CUX2: variants seen among roughly 807,000 people sequenced by gnomAD.
CUX2 encodes the protein cut like homeobox 2, also known as homeobox protein cut-like 2.
A neutral mutation model predicts 144.8 loss-of-function variants in CUX2; 40 were observed. That is an observed-to-expected ratio of 0.28 (90% CI 0.21 to 0.36). The LOEUF is 0.36. Among genes scored for constraint, CUX2 ranks in the 10% least tolerant of loss-of-function variants. CUX2 has a pLI of 1.00. For synonymous variants in CUX2, 827 were observed against 875.6 expected, an observed-to-expected ratio of 0.94 and a Z score of 0.98; for missense variants, 1,615 against 1,994.0, an observed-to-expected ratio of 0.81 and a Z score of 3.62.
At chr12:111,330,730 T>TATACATATAC (rs1592977346) in intron 18 of CUX2, among the ~76,000 whole-genome samples, 2 of 51,570 alleles carry the variant, frequency 3.9e-5, no homozygotes, top group East Asian at 6.7e-4. Flanking sequence ...TATATATATA[T>TATACATATAC]ATATATATAT....
At chr12:111,296,379 G>A in intron 7 of CUX2, 94 bp from the exon 8 acceptor site, 2 of 1,099,316 alleles carry the variant, frequency 1.8e-6, no homozygotes, top group Non-Finnish European at 2.7e-6. Context: ...TCTGCCTGCT[G>A]GGCTTCGCAG....
At chr12:111,102,131 C>G (rs1873288238) in intron 1 of CUX2, among the ~76,000 whole-genome samples, 1 of 152,156 alleles carries the variant, frequency 6.6e-6, no homozygotes, top group South Asian at 2.1e-4. Context: ...TGCTGTGTGC[C>G]AGGCATCTGG....
intron 16 of CUX2, among the ~76,000 whole-genome samples, chr12:111,317,504 C>T (rs546093801): frequency 2.0e-5 from 3 of 152,100 alleles, no homozygotes; most frequent in African/African-American, 7.2e-5. Flanking sequence ...GAACATATTG[C>T]CCAACCCAAG....
chr12:111,092,456 A>G (rs1872606102), intron 1 of CUX2, among the ~76,000 whole-genome samples: 1 of 152,192 alleles, frequency 6.6e-6, no homozygotes, highest in East Asian at 1.9e-4. Flanking sequence ...GCATAATAAT[A>G]GTACCTTCCC....
Position 111,097,519 on chromosome 12 carries a change from C to T in CUX2, c.63+63279C>T, listed in dbSNP as rs577510792. 3.9e-5 allele frequency among the ~76,000 whole-genome samples: 6 copies of T among 152,278 alleles called. No individual in the cohort carries two copies. In the South Asian group the frequency reaches 1.2e-3, roughly 32 times the overall value. On this transcript the variant is annotated intron_variant, in intron 1 of 21. Transcript: ENST00000261726. ...GCAAGGCACCAGCAGCAGAGGGAGC[C>T]TAAAATGATATTAATCACAGCAGCA... is the stretch of plus-strand genomic sequence containing the variant.
rs774135980 is a variant in CUX2, at chr12:111,318,228, AT to A, written c.2003-1775del. Among the ~76,000 whole-genome samples the A allele has an allele frequency of 1.4e-4, 17 of 120,224 alleles. No homozygotes were observed. In the South Asian group the frequency reaches 4.1e-3, roughly 29 times the overall value. 78.9% of individuals were successfully genotyped at this position (120,224 alleles called of 152,430 possible). On this transcript the variant is annotated intron_variant, in intron 16 of 21. Transcript: ENST00000261726. ...AGGCATACACCACCATGCCTGGCTA[AT>A]TTTTTTTTCTTTTTTCTTTTTTTTT...
chr12:111,226,647 T>C (rs2136239080), intron 3 of CUX2, among the ~76,000 whole-genome samples: 1 of 152,330 alleles, frequency 6.6e-6, no homozygotes, highest in South Asian at 2.1e-4. Context: ...CATATTTATA[T>C]GACATTCCCT....
At chr12:111,156,742 C>T (rs1877397969) in intron 1 of CUX2, among the ~76,000 whole-genome samples, 1 of 152,144 alleles carries the variant, frequency 6.6e-6, no homozygotes, top group African/African-American at 2.4e-5. Context: ...CTTTGGGAGG[C>T]TGAGGCAGGT....
intron 3 of CUX2, among the ~76,000 whole-genome samples, chr12:111,224,719 C>CA (rs1882040326): frequency 6.6e-6 from 1 of 151,762 alleles, no homozygotes; most frequent in South Asian, 2.1e-4. Context: ...GGGCAGGGAG[C>CA]AGGGGAGGCC....
At chr12:111,062,135 G>A (rs995575354) in intron 1 of CUX2, among the ~76,000 whole-genome samples, 3 of 152,138 alleles carry the variant, frequency 2.0e-5, no homozygotes, top group Non-Finnish European at 4.4e-5. Flanking sequence ...GTGTATACTG[G>A]GTGCTCACTT....
rs538691418 is a variant in CUX2 at position 111,088,008 on chromosome 12, A to C, written c.63+53768A>C. 5.3e-5 allele frequency among the ~76,000 whole-genome samples: 8 copies of C among 152,352 alleles called. No homozygotes were observed. The South Asian group carries it at 1.7e-3, about 32-fold the overall frequency. On this transcript the variant is annotated intron_variant, in intron 1 of 21. Coordinates refer to ENST00000261726, the MANE Select transcript of CUX2 (RefSeq NM_015267.4). ...ATTGATAAGCTAATGATGTGGATAC[A>C]GCTTGAAGGAATCGTGCTGAGGGAA...
At chr12:111,162,838 G>A (rs1236035473) in intron 1 of CUX2, among the ~76,000 whole-genome samples, 2 of 152,142 alleles carry the variant, frequency 1.3e-5, no homozygotes, top group Non-Finnish European at 2.9e-5. Flanking sequence ...CTGAGGTCAG[G>A]AGTTCGATAC....
intron 1 of CUX2, among the ~76,000 whole-genome samples, chr12:111,180,377 C>T (rs1331516924): frequency 1.3e-5 from 2 of 152,176 alleles, no homozygotes; most frequent in Non-Finnish European, 2.9e-5. Flanking sequence ...AAGAATTGCT[C>T]CTCTCAGCCT....
intron 1 of CUX2, among the ~76,000 whole-genome samples, chr12:111,170,064 G>T (rs572013992): frequency 2.0e-5 from 3 of 152,318 alleles, no homozygotes; most frequent in South Asian, 2.1e-4. Context: ...AAGAATTGGG[G>T]TGCCAACAGT....
At chr12:111,250,255 T>TGTGGGG (rs1883498450) in intron 3 of CUX2, among the ~76,000 whole-genome samples, 1 of 152,004 alleles carries the variant, frequency 6.6e-6, no homozygotes, top group Non-Finnish European at 1.5e-5. Context: ...CCACTTCAGG[T>TGTGGGG]GTGGGGGTGG....
At chr12:111,241,728 G>C (rs1212583383) in intron 3 of CUX2, among the ~76,000 whole-genome samples, 1 of 152,264 alleles carries the variant, frequency 6.6e-6, no homozygotes, top group Non-Finnish European at 1.5e-5. Flanking sequence ...GGCCCTTGAG[G>C]GGCAGCTGGA....
chr12:111,122,675 A>G (rs1874762205), intron 1 of CUX2, among the ~76,000 whole-genome samples: 1 of 152,200 alleles, frequency 6.6e-6, no homozygotes, highest in Non-Finnish European at 1.5e-5. Flanking sequence ...CTGGAAAGAA[A>G]CAAGTCAGGG....
At chr12:111,319,931 A>G (rs1432061271) in intron 16 of CUX2, 81 bp from the exon 17 acceptor site, 1 of 1,402,790 alleles carries the variant, frequency 7.1e-7, no homozygotes, top group African/African-American at 1.5e-5. Context: ...TGCTGGCATC[A>G]ACAGGGATGC....
In CUX2 at chr12:111,263,065, AG is replaced by A. The variant is rs1446503364; in HGVS notation, c.223-695del. ...AGAGAGGGGCAGTGCAAGGTCACACAGCCTGCACACAGTGGAGCTGGGCTTT... is the reference window on the plus strand; with the variant it reads ...AGAGAGGGGCAGTGCAAGGTCACACACCTGCACACAGTGGAGCTGGGCTTT... On this transcript the variant is annotated intron_variant, in intron 3 of 21. Coordinates refer to ENST00000261726, the MANE Select transcript of CUX2 (RefSeq NM_015267.4). This position sits in a 1 kb window ranked among gnomAD's most constrained non-coding sequence, Gnocchi z 4.0. Among the ~76,000 whole-genome samples, 1 of 152,232 alleles carries A rather than the reference AG, an allele frequency of 6.6e-6. No individual in the cohort carries two copies. Among genetic ancestry groups the A allele is most frequent in the Non-Finnish European group, 1.5e-5 (1 of 68,052 alleles).
Sources: gnomAD v4.1 joint callset for allele counts (sites outside exome capture counted in the v4.1 genomes callset) on GRCh38, gnomAD v4.1.1 for gene constraint, Gnocchi (gnomAD v3.1) non-coding constraint, MANE v1.5 for transcripts, NCBI Gene and HGNC (gene_info 2026-07-23, HGNC 2026-07-21) for gene names.